SSH2: variants seen among roughly 807,000 people sequenced by gnomAD.
The protein encoded by SSH2 is protein phosphatase Slingshot homolog 2.
In SSH2, 37 loss-of-function variants were observed where a neutral mutation model predicts 135.2. The ratio of observed to expected loss-of-function variants is 0.27; its 90% confidence interval spans 0.21 to 0.36. SSH2 has a LOEUF of 0.36. Among genes scored for constraint, SSH2 ranks in the 10% least tolerant of loss-of-function variants. The pLI, the probability that SSH2 is intolerant of heterozygous loss-of-function variation, is 1.00. For missense variants in SSH2, 1,408 were observed against 1,765.3 expected (o/e 0.80, Z 3.63); for synonymous variants, 628 against 646.2 (o/e 0.97, Z 0.43).
At chr17:29,726,854 A>G (rs571013941) in intron 3 of SSH2, among the ~76,000 whole-genome samples, 18 of 152,198 alleles carry the variant, frequency 1.2e-4, no homozygotes, top group Admixed American at 3.9e-4. Flanking sequence ...CCTTTGCCCA[A>G]ACTTTTCTCA....
intron 2 of SSH2, among the ~76,000 whole-genome samples, chr17:29,836,884 T>C (rs2042951955): frequency 6.6e-6 from 1 of 152,202 alleles, no homozygotes. Context: ...CATCCATTGC[T>C]CTCTACAAGG....
At chr17:29,654,270 T>C (rs1312848024) in intron 12 of SSH2, among the ~76,000 whole-genome samples, 2 of 152,228 alleles carry the variant, frequency 1.3e-5, no homozygotes, top group African/African-American at 4.8e-5. Context: ...AGTCTCTGCC[T>C]TGAAGAACTC....
intron 2 of SSH2, among the ~76,000 whole-genome samples, chr17:29,796,530 C>G (rs1054167499): frequency 6.6e-6 from 1 of 151,632 alleles, no homozygotes; most frequent in Non-Finnish European, 1.5e-5. Flanking sequence ...TTAGTAGAGA[C>G]GGGCTTTCTC....
chr17:29,656,232 A>C (rs2036774040), intron 11 of SSH2, among the ~76,000 whole-genome samples: 2 of 152,138 alleles, frequency 1.3e-5, no homozygotes. Context: ...GCTGGAATGC[A>C]ATGGCGTGAT....
chr17:29,912,981 T>C (rs1452222139), intron 1 of SSH2, among the ~76,000 whole-genome samples: 2 of 151,330 alleles, frequency 1.3e-5, no homozygotes, highest in Non-Finnish European at 2.9e-5. Context: ...TCAATCTAAG[T>C]CTGGTCTAGA....
intron 3 of SSH2, among the ~76,000 whole-genome samples, chr17:29,740,585 A>G (rs1413702387): frequency 6.6e-6 from 1 of 152,184 alleles, no homozygotes; most frequent in Admixed American, 6.5e-5. Flanking sequence ...ATATAGCCTA[A>G]AAGATGGAAA....
chr17:29,727,986 G>A (rs529217150), intron 3 of SSH2, among the ~76,000 whole-genome samples: 1 of 152,122 alleles, frequency 6.6e-6, no homozygotes, highest in Non-Finnish European at 1.5e-5. Flanking sequence ...TTCGAGACAA[G>A]CCTGGCCAAC....
chr17:29,906,229 C>A (rs1262371974), intron 1 of SSH2, among the ~76,000 whole-genome samples: 1 of 152,152 alleles, frequency 6.6e-6, no homozygotes, highest in African/African-American at 2.4e-5. Context: ...ACACAACCAT[C>A]TGAACTTAAC....
chr17:29,891,371 C>T (rs902299894), intron 1 of SSH2, among the ~76,000 whole-genome samples: 2 of 152,136 alleles, frequency 1.3e-5, no homozygotes, highest in Non-Finnish European at 2.9e-5. Flanking sequence ...ACATTTGCTA[C>T]AAATAGTTCT....
At chr17:29,906,533 T>C (rs1490767165) in intron 1 of SSH2, among the ~76,000 whole-genome samples, 1 of 152,142 alleles carries the variant, frequency 6.6e-6, no homozygotes, top group Non-Finnish European at 1.5e-5. Context: ...TAAATTAAAG[T>C]GCTTCTGCAC....
At chr17:29,735,696 C>CAA (rs1246276444) in intron 3 of SSH2, among the ~76,000 whole-genome samples, 1 of 48,638 alleles carries the variant, frequency 2.1e-5, no homozygotes, top group African/African-American at 7.8e-5. Flanking sequence ...GATTCTGTCT[C>CAA]AAAAAAAAAA....
At chr17:29,711,627 C>T (rs2039433238) in intron 3 of SSH2, among the ~76,000 whole-genome samples, 1 of 152,196 alleles carries the variant, frequency 6.6e-6, no homozygotes, top group Non-Finnish European at 1.5e-5. Flanking sequence ...CCCTACTCTC[C>T]TTTTGGGGAA....
chr17:29,635,186 G>T (rs2035850008), intron 15 of SSH2, among the ~76,000 whole-genome samples: 1 of 152,144 alleles, frequency 6.6e-6, no homozygotes, highest in Non-Finnish European at 1.5e-5. Context: ...ACAGGCGTGA[G>T]CCACCGCGCC....
intron 2 of SSH2, among the ~76,000 whole-genome samples, chr17:29,820,183 C>T (rs942563358): frequency 9.2e-5 from 14 of 152,036 alleles, no homozygotes; most frequent in Non-Finnish European, 1.5e-4. Context: ...TGGTTAAAGA[C>T]CTAATGATAA....
At chr17:29,929,538 T>C (rs1327012006) in intron 1 of SSH2, among the ~76,000 whole-genome samples, 1 of 151,572 alleles carries the variant, frequency 6.6e-6, no homozygotes, top group African/African-American at 2.4e-5. Context: ...TATGAAATGG[T>C]GTGGGTAAGA....
intron 1 of SSH2, among the ~76,000 whole-genome samples, chr17:29,862,841 T>A (rs757585381): frequency 1.1e-4 from 17 of 152,138 alleles, no homozygotes; most frequent in Non-Finnish European, 2.2e-4. Flanking sequence ...AAGGAACACA[T>A]CTCTCAGTCC....
intron 3 of SSH2, among the ~76,000 whole-genome samples, chr17:29,733,153 C>T (rs916778336): frequency 2.6e-5 from 4 of 152,214 alleles, no homozygotes; most frequent in East Asian, 3.9e-4. Flanking sequence ...AAAGGAAGAA[C>T]CAAATGGGGA....
chr17:29,701,122 C>T (rs2038960001), intron 4 of SSH2, among the ~76,000 whole-genome samples: 1 of 152,164 alleles, frequency 6.6e-6, no homozygotes, highest in South Asian at 2.1e-4. Flanking sequence ...AGGCGCCCGC[C>T]ACCATGTCCG....
intron 14 of SSH2, among the ~76,000 whole-genome samples, chr17:29,643,783 C>T (rs2036262835): frequency 6.6e-6 from 1 of 152,132 alleles, no homozygotes; most frequent in Non-Finnish European, 1.5e-5. Context: ...CGTGAGTCAC[C>T]GTGCCCGGCT....
Sources: allele counts gnomAD v4.1 joint callset (sites outside exome capture counted in the v4.1 genomes callset), GRCh38; gene constraint gnomAD v4.1.1; transcripts MANE v1.5; gene names NCBI Gene and HGNC (gene_info 2026-07-23, HGNC 2026-07-21).